Variants in TRPV1 observed in about 807,000 individuals in gnomAD.
The protein encoded by TRPV1 is transient receptor potential cation channel subfamily V member 1.
TRPV1 carries 82 observed loss-of-function variants against 82.3 expected under a neutral mutation model. The ratio of observed to expected loss-of-function variants is 1.00; its 90% CI spans 0.83 to 1.20. TRPV1 has a LOEUF of 1.20. Ranked by LOEUF, TRPV1 falls within the 50% of genes most tolerant of loss-of-function variation. The probability of loss-of-function intolerance (pLI) is 0.00; values close to 1 mark genes in which losing one functional copy is unlikely to be tolerated. For missense variants in TRPV1, 1,067 were observed against 1,096.8 expected, an observed-to-expected ratio of 0.97 and a Z score of 0.38; for synonymous variants, 515 against 467.7, an observed-to-expected ratio of 1.10 and a Z score of -1.30.
intron 16 of TRPV1, among the ~76,000 whole-genome samples, chr17:3,570,919 G>T (rs1224732111): frequency 1.3e-5 from 2 of 152,156 alleles, no homozygotes; most frequent in African/African-American, 2.4e-5. Context: ...GTTTCACGAT[G>T]TTGGCCAAGC....
chr17:3,572,057 GCT>G (rs904342984), intron 15 of TRPV1, 63 bp downstream of exon 15: 3 of 1,575,858 alleles, frequency 1.9e-6, no homozygotes, highest in Non-Finnish European at 2.6e-6. Flanking sequence ...CCTGAGGCAG[GCT>G]CTGTGTCCAC....
At chr17:3,609,156 G>C (rs2075320101) in intron 1 of TRPV1, 153 bp downstream of exon 1, 1 of 152,248 alleles carries the variant, frequency 6.6e-6, no homozygotes, top group Non-Finnish European at 1.5e-5. Context: ...AAAGTGCTGG[G>C]ATTACAGGCG....
At chr17:3,601,921 C>T (rs222738) in intron 2 of TRPV1, 13,351 of 152,194 alleles carry the variant, frequency 0.088, 739 homozygotes, top group East Asian at 0.22. Context: ...TAAACTCCTA[C>T]AGGAACTTCA....
At chr17:3,581,319 A>C (rs2075006690) in intron 10 of TRPV1, among the ~76,000 whole-genome samples, 1 of 152,126 alleles carries the variant, frequency 6.6e-6, no homozygotes, top group South Asian at 2.1e-4. Context: ...GTTAAAATAA[A>C]AATTCTTGTA....
chr17:3,571,702 GC>G, intron 15 of TRPV1, 63 bp from the exon 16 acceptor site: 1 of 1,367,966 alleles, frequency 7.3e-7, no homozygotes, highest in Non-Finnish European at 1.0e-6. Flanking sequence ...CAAGGGCTCT[GC>G]CCACAGGCCA....
intron 9 of TRPV1, among the ~76,000 whole-genome samples, chr17:3,584,041 C>T (rs1044130267): frequency 4.6e-5 from 7 of 152,014 alleles, no homozygotes; most frequent in South Asian, 2.1e-4. Flanking sequence ...GAGGCCGAGG[C>T]GGGCGGATCA....
Position 3,566,719 on chromosome 17 carries a change from A to C in TRPV1, c.*96T>G, listed in dbSNP as rs201051283. The C allele has an allele frequency of 2.3e-4, 331 of 1,467,570 alleles. No homozygotes were observed. Among genetic ancestry groups the C allele is most frequent in the Non-Finnish European group, 2.9e-4 (313 of 1,083,758 alleles). 90.9% of individuals were successfully genotyped at this position (1,467,570 alleles called of 1,614,324 possible). On this transcript the variant is annotated 3_prime_UTR_variant, in exon 17 of 17. Coordinates refer to ENST00000572705, the MANE Select transcript of TRPV1 (RefSeq NM_080704.4). Reference sequence around the variant, plus strand: ...ATGCTGGGCAGGCACAGACCAGGCCAGGCTGCTGACAGAGCACTGGTGTTC... The same window carrying C: ...ATGCTGGGCAGGCACAGACCAGGCCCGGCTGCTGACAGAGCACTGGTGTTC...
At chr17:3,601,571 C>A (rs1249475785) in intron 2 of TRPV1, among the ~76,000 whole-genome samples, 2 of 152,058 alleles carry the variant, frequency 1.3e-5, no homozygotes, top group East Asian at 3.9e-4. Context: ...CCACCTTCTC[C>A]CAAAGGCCCC....
At chr17:3,577,913 T>A in intron 11 of TRPV1, 150 bp from the exon 12 acceptor site, 1 of 687,488 alleles carries the variant, frequency 1.5e-6, no homozygotes, top group South Asian at 2.0e-5. Flanking sequence ...AGCCCAGGCG[T>A]TCTCCGTGGA....
intron 9 of TRPV1, 57 bp downstream of exon 9, chr17:3,585,711 A>G: frequency 6.4e-7 from 1 of 1,572,054 alleles, no homozygotes; most frequent in Non-Finnish European, 8.6e-7. Context: ...CGAAATGTCC[A>G]CACCCCTTCC....
At chr17:3,584,402 CAAAAAAAAAAAAAATAAAATAA>C (rs1253933082) in intron 9 of TRPV1, among the ~76,000 whole-genome samples, 1 of 16,746 alleles carries the variant, frequency 6.0e-5, no homozygotes, top group Non-Finnish European at 1.2e-4. Context: ...GACTCTGTCT[CAAAAAAAAAAAAAATAAAATAA>C]AAAAAAAAGG....
At chr17:3,573,538 A>ACCCCCCCC in intron 14 of TRPV1, 95 bp downstream of exon 14, 2 of 248,454 alleles carry the variant, frequency 8.0e-6, no homozygotes, top group South Asian at 3.3e-5. Flanking sequence ...CACCGCCCCC[A>ACCCCCCCC]CCACCCACCC....
chr17:3,602,274 C>A (rs161375), intron 2 of TRPV1: 148,625 of 152,314 alleles, frequency 0.98, 72,635 homozygotes, highest in East Asian at 1. Context: ...GGGTGAGATA[C>A]ATACGGCTCT....
At chr17:3,584,036 C>T (rs1026254825) in intron 9 of TRPV1, among the ~76,000 whole-genome samples, 2 of 151,784 alleles carry the variant, frequency 1.3e-5, no homozygotes, top group Non-Finnish European at 2.9e-5. Context: ...TTTGGGAGGC[C>T]GAGGCGGGCG....
rs546602862 is a variant in TRPV1 at position 3,597,530 on chromosome 17, G to A, written c.-33-5147C>T. Among the ~76,000 whole-genome samples the A allele has an allele frequency of 3.9e-5, 6 of 152,166 alleles. No individual in the cohort carries two copies. The East Asian group carries it at 1.2e-3, about 29-fold the overall frequency. On this transcript the variant is annotated intron_variant, in intron 2 of 16. Transcript: ENST00000572705. The stretch of plus-strand genomic sequence containing the variant: ...CTTGAACTAGTCCCTAACTCTCTTA[G>A]GCCTCTCGTTCCTGGGTCCCCAAAC...
At position 3,590,033 on chromosome 17, in the gene TRPV1, CAGG is replaced by C; in HGVS notation, c.815_817del (p.Ser272del). 3 of 1,580,402 alleles carry C rather than the reference CAGG, an allele frequency of 1.9e-6. No homozygotes were observed. Among genetic ancestry groups the C allele is most frequent in the African/African-American group, 1.3e-5 (1 of 74,156 alleles). ...CCTGGCGCTGATGTCGGCCGTCTGC[CAGG>C]AGTTCTGCAGCAGGAACTTCACGAT... is the stretch of plus-strand genomic sequence containing the variant. On this transcript the variant is annotated inframe_deletion, in exon 7 of 17. Coordinates refer to ENST00000572705, the MANE Select transcript of TRPV1 (RefSeq NM_080704.4).
At chr17:3,570,964 G>A (rs1331247245) in intron 16 of TRPV1, among the ~76,000 whole-genome samples, 2 of 152,086 alleles carry the variant, frequency 1.3e-5, no homozygotes, top group African/African-American at 2.4e-5. Flanking sequence ...TGATCCACCC[G>A]TCTCAGCCTC....
chr17:3,583,349 A>C lies in TRPV1; in HGVS notation c.1465T>G (p.Phe489Val). 6.2e-7 allele frequency: 1 copy of C among 1,608,752 alleles called. No individual in the cohort carries two copies. Among genetic ancestry groups the C allele is most frequent in the Non-Finnish European group, 8.5e-7 (1 of 1,177,458 alleles). ...GAAGGAACGCTTACCCCTCGGAAAAAGAAGTAGACTCCTCCTAACACAGAC... is the reference window on the plus strand; with the variant it reads ...GAAGGAACGCTTACCCCTCGGAAAACGAAGTAGACTCCTCCTAACACAGAC... The part of the protein sequence containing the change: ...ILSVLGGVYF[F>V]FRGIQYFLQR... The change falls in exon 10 of 17, where the codon TTT (phenylalanine) becomes GTT (valine). Residue 489 changes from phenylalanine (F) to valine (V), a missense_variant. Transcript: ENST00000572705.
Position 3,590,992 on chromosome 17 carries a change from G to T in TRPV1, c.576C>A (p.Asn192Lys), listed in dbSNP as rs200640999. ...TGTAGTAGCTGTCCGTGTAGCTGGC[G>T]TTGACAAGCTCCTTCAGGCTGTCCG... ...RQTDSLKELV[N>K]ASYTDSYYKG... The change falls in exon 5 of 17, where the codon AAC (asparagine) becomes AAA (lysine). Residue 192 changes from asparagine to lysine, a missense_variant. Physicochemically the swap from Asn to Lys is moderately conservative, Grantham distance 94. Transcript: ENST00000572705. 6.2e-7 allele frequency: 1 copy of T among 1,609,228 alleles called. No individual in the cohort carries two copies. The highest frequency in any genetic ancestry group is 1.7e-5 in the Admixed American group (1 of 59,278).
Sources: allele counts gnomAD v4.1 joint callset (sites outside exome capture counted in the v4.1 genomes callset), GRCh38; gene constraint gnomAD v4.1.1; transcripts MANE v1.5; gene names NCBI Gene and HGNC (gene_info 2026-07-23, HGNC 2026-07-21).